ZNF385B: variants seen among roughly 807,000 people sequenced by gnomAD.
The protein encoded by ZNF385B is zinc finger protein 385B, also known as zinc finger protein 533.
A neutral mutation model predicts 39.2 loss-of-function variants in ZNF385B; 23 were observed. The ratio of observed to expected loss-of-function variants is 0.59; its 90% CI spans 0.42 to 0.83. ZNF385B has a LOEUF of 0.83. ZNF385B is among the 40% of genes least tolerant of loss of function. The pLI is 0.00. For missense variants in ZNF385B, 552 were observed against 598.9 expected (o/e 0.92, Z 0.82); for synonymous variants, 205 against 222.6 (o/e 0.92, Z 0.70).
chr2:179,719,494 A>G (rs1010294736), intron 3 of ZNF385B, among the ~76,000 whole-genome samples: 2 of 152,226 alleles, frequency 1.3e-5, no homozygotes, highest in Non-Finnish European at 1.5e-5. Flanking sequence ...AAGGACAAGG[A>G]AATACTAGCT....
At position 179,696,326 on chromosome 2, in the gene ZNF385B, C is replaced by CTTTTTTTTTTTT. The variant is rs71029828; in HGVS notation, c.298+73165_298+73176dup. Among the ~76,000 whole-genome samples the CTTTTTTTTTTTT allele has an allele frequency of 4.6e-3, 186 of 40,352 alleles. 75 individuals are homozygous for CTTTTTTTTTTTT. The highest frequency in any genetic ancestry group is 0.012 in the South Asian group (9 of 728). 26.5% of individuals were successfully genotyped at this position (40,352 alleles called of 152,430 possible). ...CTGGGACACTAGGTACAAACTGGGACTTTTTTTTTTTTTTTTTTTTTTTGC... is the reference window on the plus strand; with the variant it reads ...CTGGGACACTAGGTACAAACTGGGACTTTTTTTTTTTTTTTTTTTTTTTTTTTTTTTTTTTGC... On this transcript the variant is annotated intron_variant, in intron 3 of 9. Coordinates refer to ENST00000410066, the MANE Select transcript of ZNF385B (RefSeq NM_152520.6).
chr2:179,624,634 G>A (rs953161643), intron 3 of ZNF385B, among the ~76,000 whole-genome samples: 2 of 152,192 alleles, frequency 1.3e-5, no homozygotes, highest in African/African-American at 4.8e-5. Flanking sequence ...CATGTGCTTT[G>A]AAACTGCCCT....
chr2:179,592,052 C>A (rs1041544448), intron 3 of ZNF385B, among the ~76,000 whole-genome samples: 2 of 152,144 alleles, frequency 1.3e-5, no homozygotes, highest in Non-Finnish European at 2.9e-5. Flanking sequence ...AATATCTTTT[C>A]AAAAGTTACA....
chr2:179,791,595 T>C (rs1401136403), intron 1 of ZNF385B, among the ~76,000 whole-genome samples: 1 of 152,156 alleles, frequency 6.6e-6, no homozygotes, highest in Non-Finnish European at 1.5e-5. Flanking sequence ...AAGTGTGAAA[T>C]TTAAAAACCT....
chr2:179,791,863 T>A (rs2106540135), intron 1 of ZNF385B, among the ~76,000 whole-genome samples: 1 of 152,262 alleles, frequency 6.6e-6, no homozygotes, highest in East Asian at 1.9e-4. Flanking sequence ...TTCAAATGAT[T>A]CTCCTGCCTT....
At chr2:179,502,559 C>T (rs184173992) in intron 5 of ZNF385B, among the ~76,000 whole-genome samples, 8 of 152,288 alleles carry the variant, frequency 5.3e-5, no homozygotes, top group Admixed American at 1.3e-4. Context: ...CATGTGAAGA[C>T]GTGCTTGCTT....
intron 3 of ZNF385B, among the ~76,000 whole-genome samples, chr2:179,720,515 A>G (rs1575339455): frequency 1.0e-5 from 1 of 96,606 alleles, no homozygotes; most frequent in African/African-American, 4.2e-5. Context: ...GAAGAAAGGG[A>G]GGAGGAGAGG....
At chr2:179,538,450 T>C (rs2059719810) in intron 4 of ZNF385B, among the ~76,000 whole-genome samples, 1 of 152,188 alleles carries the variant, frequency 6.6e-6, no homozygotes, top group Admixed American at 6.5e-5. Context: ...GTGAATTTGA[T>C]TCCCAATTTC....
At chr2:179,472,357 A>T (rs543280837) in intron 6 of ZNF385B, among the ~76,000 whole-genome samples, 1 of 152,350 alleles carries the variant, frequency 6.6e-6, no homozygotes, top group Admixed American at 6.5e-5. Flanking sequence ...TTCCAAATTG[A>T]GTAGAATTAT....
chr2:179,635,369 C>T (rs1022733465), intron 3 of ZNF385B, among the ~76,000 whole-genome samples: 3 of 46,490 alleles, frequency 6.5e-5, no homozygotes, highest in Non-Finnish European at 1.2e-4. Flanking sequence ...GAACATCACA[C>T]TGGGGCCTGT....
chr2:179,645,298 T>A (rs2176059), intron 3 of ZNF385B, among the ~76,000 whole-genome samples: 1 of 152,208 alleles, frequency 6.6e-6, no homozygotes, highest in Non-Finnish European at 1.5e-5. Flanking sequence ...TTGAGAAATG[T>A]TAAGCCTTCC....
intron 3 of ZNF385B, among the ~76,000 whole-genome samples, chr2:179,648,200 T>A (rs1575083578): frequency 6.6e-6 from 1 of 152,026 alleles, no homozygotes; most frequent in South Asian, 2.1e-4. Context: ...AAGAGTAGGG[T>A]GCTGGCAGCC....
chr2:179,786,683 G>A (rs1267301956), intron 1 of ZNF385B, among the ~76,000 whole-genome samples: 1 of 151,356 alleles, frequency 6.6e-6, no homozygotes, highest in Non-Finnish European at 1.5e-5. Context: ...TGATATGACA[G>A]GTTTCTTTCT....
chr2:179,715,548 T>G (rs881737), intron 3 of ZNF385B, among the ~76,000 whole-genome samples: 1 of 151,916 alleles, frequency 6.6e-6, no homozygotes, highest in Non-Finnish European at 1.5e-5. Flanking sequence ...CTAATGAATA[T>G]CCCATACCTC....
rs141231955 is a variant in ZNF385B, at chr2:179,490,284, C to T, written c.553-6850G>A. Among the ~76,000 whole-genome samples the T allele has an allele frequency of 7.9e-5, 12 of 151,538 alleles. No homozygotes were observed. In the East Asian group the frequency reaches 2.1e-3, roughly 27 times the overall value. ...TTGTGTTATGGCTGCTTTGAAATACCACTATTTGAATATATGAGCATTACA... is the reference window on the plus strand; with the variant it reads ...TTGTGTTATGGCTGCTTTGAAATACTACTATTTGAATATATGAGCATTACA... On this transcript the variant is annotated intron_variant, in intron 5 of 9. Coordinates refer to ENST00000410066, the MANE Select transcript of ZNF385B (RefSeq NM_152520.6).
intron 4 of ZNF385B, among the ~76,000 whole-genome samples, chr2:179,528,712 AGT>A (rs2059077369): frequency 6.6e-6 from 1 of 152,212 alleles, no homozygotes; most frequent in South Asian, 2.1e-4. Flanking sequence ...TTCAGACAAT[AGT>A]TACTTTGTTA....
chr2:179,710,535 T>C (rs1699926334), intron 3 of ZNF385B, among the ~76,000 whole-genome samples: 2 of 152,192 alleles, frequency 1.3e-5, no homozygotes, highest in South Asian at 4.1e-4. Flanking sequence ...TTACGGAACA[T>C]TTTAATACTT....
intron 3 of ZNF385B, among the ~76,000 whole-genome samples, chr2:179,565,761 T>C (rs1574829672): frequency 6.6e-6 from 1 of 152,372 alleles, no homozygotes. Context: ...AAGTGACATT[T>C]TAAATGCCAT....
chr2:179,546,672 T>C (rs1411326354), intron 3 of ZNF385B, among the ~76,000 whole-genome samples: 2 of 152,200 alleles, frequency 1.3e-5, no homozygotes, highest in Non-Finnish European at 1.5e-5. Context: ...GTGAATAGTG[T>C]TGCTATAAAC....
Sources: allele counts gnomAD v4.1 joint callset (sites outside exome capture counted in the v4.1 genomes callset), GRCh38; gene constraint gnomAD v4.1.1; transcripts MANE v1.5; gene names NCBI Gene and HGNC (gene_info 2026-07-23, HGNC 2026-07-21).